FAM217A: variants seen among roughly 807,000 people sequenced by gnomAD.
FAM217A encodes family with sequence similarity 217 member A, also known as protein FAM217A.
FAM217A carries 13 observed loss-of-function variants against 18.5 expected under a neutral mutation model. The observed-to-expected ratio is 0.70, with a 90% CI of 0.46 to 1.12. The LOEUF (loss-of-function observed/expected upper bound fraction) is 1.12. Ranked by LOEUF, FAM217A falls within the 50% of genes most tolerant of loss-of-function variation. The probability of loss-of-function intolerance (pLI) is 0.00; values close to 1 mark genes in which losing one functional copy is unlikely to be tolerated. For synonymous variants in FAM217A, 161 were observed against 202.8 expected (o/e 0.79, Z 1.75); for missense variants, 560 against 575.4 (o/e 0.97, Z 0.27).
At position 4,069,561 on chromosome 6, in the gene FAM217A, T is replaced by C; in HGVS notation, c.662A>G (p.Lys221Arg). The change falls in exon 7 of 7, where the codon AAG (lysine) becomes AGG (arginine). Residue 221 changes from lysine to arginine, a missense_variant. Coordinates refer to ENST00000274673, the MANE Select transcript of FAM217A (RefSeq NM_173563.3). ...TTCTGGCTTCAAGTTCAGGTCCACCTTTTTAAAATAGCTGAGTAAAGTATC... is the reference window on the plus strand; with the variant it reads ...TTCTGGCTTCAAGTTCAGGTCCACCCTTTTAAAATAGCTGAGTAAAGTATC... ...TNDTLLSYFKKVDLNLKPETI... is the reference protein window; with the variant it reads ...TNDTLLSYFKRVDLNLKPETI... 1 of 1,614,030 alleles carries C rather than the reference T, an allele frequency of 6.2e-7. No individual in the cohort carries two copies. Among genetic ancestry groups the C allele is most frequent in the Non-Finnish European group, 8.5e-7 (1 of 1,179,972 alleles).
At chr6:4,084,099 A>G (rs1419352578), upstream of FAM217A, among the ~76,000 whole-genome samples, 1 of 152,188 alleles carries the variant, frequency 6.6e-6, no homozygotes, top group Non-Finnish European at 1.5e-5. Flanking sequence ...TTAGAACTCT[A>G]TTCTATGAGC....
At chr6:4,079,683 A>T, upstream of FAM217A, 4 of 1,283,890 alleles carry the variant, frequency 3.1e-6, no homozygotes, top group South Asian at 5.0e-5. Flanking sequence ...ACCGCCCGGT[A>T]CGTAGTCCTC....
At chr6:4,071,895 G>C (rs777118793) in intron 6 of FAM217A, among the ~76,000 whole-genome samples, 12 of 152,064 alleles carry the variant, frequency 7.9e-5, no homozygotes, top group Non-Finnish European at 8.8e-5. Context: ...AAGAGCCATG[G>C]AACTCAGGAT....
rs187952527 is a variant in FAM217A, at chr6:4,077,115, A to C, written c.60+240T>G. Among the ~76,000 whole-genome samples, 3 of 152,372 alleles carry C rather than the reference A, an allele frequency of 2.0e-5. No homozygotes were observed. The East Asian group carries it at 5.8e-4, about 29-fold the overall frequency. ...TTGATAACAAGGCAGCACCTTTAAC[A>C]AAGCCAAATTGCAATTAGAAATGTT... On this transcript the variant is annotated intron_variant, in intron 2 of 6. Transcript: ENST00000274673.
In FAM217A at chr6:4,069,882, AC is replaced by A. The variant is rs771027316; in HGVS notation, c.340del (p.Val114Ter). The A allele has an allele frequency of 1.9e-6, 3 of 1,598,456 alleles. No homozygotes were observed. In the South Asian group the frequency reaches 3.4e-5, roughly 18 times the overall value. ...GAAGACCCTTATAGGATGATTGATT[AC>A]ATTAAAGCCAGTTTCCACTGAAGAT... ...KKSSVETGFN[V>X]INHPIRVFTL... On this transcript the variant is annotated frameshift_variant, in exon 7 of 7. Coordinates refer to ENST00000274673, the MANE Select transcript of FAM217A (RefSeq NM_173563.3). LOFTEE classifies it low-confidence loss of function (END_TRUNC).
At chr6:4,084,775 G>C in exon 2 of FAM217A, 1 of 702,950 alleles carries the variant, frequency 1.4e-6, no homozygotes, top group Non-Finnish European at 2.6e-6. Flanking sequence ...CATGGCGAGG[G>C]GGAAGAAGAA....
At chr6:4,083,620 C>T (rs1439786060), upstream of FAM217A, among the ~76,000 whole-genome samples, 4 of 142,284 alleles carry the variant, frequency 2.8e-5, no homozygotes, top group Non-Finnish European at 6.0e-5. Context: ...GGCACATTCT[C>T]AGCTCACTGC....
chr6:4,087,192 C>T (rs1020325141), upstream of FAM217A: 27 of 592,658 alleles, frequency 4.6e-5, no homozygotes, highest in African/African-American at 4.8e-4. Flanking sequence ...ACTGGATACG[C>T]GCGCCCCCGC....
At chr6:4,085,327 TAA>T (rs1401442737) in intron 1 of FAM217A, among the ~76,000 whole-genome samples, 155 of 148,632 alleles carry the variant, frequency 1.0e-3, no homozygotes, top group African/African-American at 3.3e-3. Context: ...TATATATATA[TAA>T]AATATGTAAA....
chr6:4,077,866 C>T (rs577265631), intron 1 of FAM217A, among the ~76,000 whole-genome samples: 1 of 152,276 alleles, frequency 6.6e-6, no homozygotes, highest in East Asian at 1.9e-4. Flanking sequence ...GCCAGGCAAG[C>T]ACCCCGTGCA....
chr6:4,074,667 A>C lies in FAM217A; in HGVS notation c.61-6T>G, dbSNP rs1769655275. The C allele has an allele frequency of 3.2e-6, 5 of 1,586,254 alleles. No homozygotes were observed. Among genetic ancestry groups the C allele is most frequent in the Non-Finnish European group, 4.3e-6 (5 of 1,156,434 alleles). On this transcript the variant is annotated splice_polypyrimidine_tract_variant and splice_region_variant and intron_variant, in intron 2 of 6. Transcript: ENST00000274673. ...AAATTCCAGTGAGATAAGTTCTAAA[A>C]CAATATTTGTTTTAGGATAAACTTA...
At chr6:4,085,643 C>T (rs749567776) in intron 1 of FAM217A, among the ~76,000 whole-genome samples, 7 of 152,088 alleles carry the variant, frequency 4.6e-5, no homozygotes, top group South Asian at 2.1e-4. Flanking sequence ...ATATGTCTTC[C>T]GGCTGCCAGA....
At position 4,078,871 on chromosome 6, in the gene FAM217A, C is replaced by A. The variant is rs950662747; in HGVS notation, c.-54G>T. On this transcript the variant is annotated 5_prime_UTR_variant, in exon 1 of 7. Coordinates refer to ENST00000274673, the MANE Select transcript of FAM217A (RefSeq NM_173563.3). ...ACCCACCGCGCGAAGGCCCACGTGT[C>A]CTCCCCGGCGTGCTCTCCCGGTGCG... The A allele has an allele frequency of 8.0e-5, 42 of 526,364 alleles. No homozygotes were observed. The highest frequency in any genetic ancestry group is 6.2e-4 in the African/African-American group (31 of 50,400). The allele number at this position is 526,364 out of a possible 1,614,324, so 32.6% of individuals were successfully genotyped here. A position where few individuals can be genotyped will look rare whatever the true frequency, so the allele number is the denominator to read the frequency against.
intron 6 of FAM217A, among the ~76,000 whole-genome samples, chr6:4,070,392 G>A (rs1281950831): frequency 6.6e-6 from 1 of 152,178 alleles, no homozygotes; most frequent in Non-Finnish European, 1.5e-5. Context: ...GTTAGCCACT[G>A]TGGTTTTTAA....
chr6:4,087,222 C>T (rs1326246729), upstream of FAM217A: 1 of 957,270 alleles, frequency 1.0e-6, no homozygotes, highest in Non-Finnish European at 1.4e-6. Context: ...TTCCTTTTAG[C>T]AAAGCTCTCA....
chr6:4,073,337 A>C lies in FAM217A; in HGVS notation c.240T>G (p.Ser80Arg). Residue 80 changes from serine to arginine, a missense_variant, in exon 6 of 7, where the codon AGT becomes AGG. By Grantham distance (110) the Ser-to-Arg change is moderately radical. Coordinates refer to ENST00000274673, the MANE Select transcript of FAM217A (RefSeq NM_173563.3). ...SVHSQKSTQN[S>R]KQGIFQLWNC... ...TCCATAATTGAAAGATCCCTTGTTT[A>C]CTATTCTGATGACAGAAAAATAATG... 1 of 1,609,278 alleles carries C rather than the reference A, an allele frequency of 6.2e-7. No homozygotes were observed. The highest frequency in any genetic ancestry group is 8.5e-7 in the Non-Finnish European group (1 of 1,178,394).
chr6:4,079,659 A>G (rs752159633), upstream of FAM217A: 1 of 1,284,490 alleles, frequency 7.8e-7, no homozygotes, highest in Admixed American at 2.3e-5. Flanking sequence ...GCCTGCTCAC[A>G]TCAAGCCAGG....
upstream of FAM217A, chr6:4,079,411 C>T (rs1290976744): frequency 6.3e-6 from 2 of 319,384 alleles, no homozygotes; most frequent in Admixed American, 8.7e-5. Flanking sequence ...CGCCCCCGGC[C>T]TCGCGGGAAA....
rs1392136146 is a variant in FAM217A, at chr6:4,078,865, A to ACGTGTCCTCCCCGG, written c.-62_-49dup. ...CTCTCAACCCACCGCGCGAAGGCCC[A>ACGTGTCCTCCCCGG]CGTGTCCTCCCCGGCGTGCTCTCCC... On this transcript the variant is annotated 5_prime_UTR_variant, in exon 1 of 7. Coordinates refer to ENST00000274673, the MANE Select transcript of FAM217A (RefSeq NM_173563.3). 4.1e-5 allele frequency: 21 copies of ACGTGTCCTCCCCGG among 511,624 alleles called. No individual in the cohort carries two copies. Among genetic ancestry groups the ACGTGTCCTCCCCGG allele is most frequent in the Non-Finnish European group, 6.0e-5 (17 of 285,638 alleles). 31.7% of individuals were successfully genotyped at this position (511,624 alleles called of 1,614,324 possible).
Sources: allele counts gnomAD v4.1 joint callset (sites outside exome capture counted in the v4.1 genomes callset), GRCh38; gene constraint gnomAD v4.1.1; transcripts MANE v1.5; gene names NCBI Gene and HGNC (gene_info 2026-07-23, HGNC 2026-07-21).